Variants in SYT7 observed in about 807,000 individuals in gnomAD.
The protein encoded by SYT7 is synaptotagmin 7.
SYT7 carries 29 observed loss-of-function variants against 75.1 expected under a neutral mutation model. The ratio of observed to expected loss-of-function variants is 0.39; its 90% CI spans 0.29 to 0.53. SYT7 has a LOEUF of 0.53. SYT7 is among the 20% of genes least tolerant of loss of function. SYT7 has a pLI of 0.77. For synonymous variants in SYT7, 376 were observed against 401.7 expected, an observed-to-expected ratio of 0.94 and a Z score of 0.76; for missense variants, 693 against 953.2, an observed-to-expected ratio of 0.73 and a Z score of 3.59.
intron 1 of SYT7, 134 bp from the exon 2 acceptor site, chr11:61,556,341 TC>T: frequency 1.5e-6 from 1 of 664,392 alleles, no homozygotes; most frequent in Non-Finnish European, 2.6e-6. Context: ...CAGGTTCTAC[TC>T]CCAGTTCTGC....
intron 2 of SYT7, among the ~76,000 whole-genome samples, chr11:61,552,165 C>T (rs1458570141): frequency 2.2e-4 from 33 of 152,112 alleles, no homozygotes; most frequent in Admixed American, 2.2e-3. Context: ...ACCCCAGGTC[C>T]TCCAGCTAAA....
intron 7 of SYT7, 175 bp from the exon 8 acceptor site, chr11:61,533,299 CCCGG>C (rs1175476440): frequency 1.0e-6 from 1 of 985,324 alleles, no homozygotes; most frequent in Non-Finnish European, 1.2e-6. Context: ...GAGACCCATG[CCCGG>C]GGCCCATTCT....
At chr11:61,530,967 G>T in intron 8 of SYT7, 2 of 985,432 alleles carry the variant, frequency 2.0e-6, no homozygotes, top group Non-Finnish European at 2.4e-6. Context: ...CTATACCAGG[G>T]CAGGAGGTGC....
intron 2 of SYT7, among the ~76,000 whole-genome samples, chr11:61,552,476 ACACACACACATG>A (rs1329994693): frequency 1.3e-3 from 202 of 152,132 alleles, no homozygotes; most frequent in African/African-American, 4.7e-3. Context: ...ACACATGCAC[ACACACACACATG>A]CACACACACG....
chr11:61,585,225 T>TTGC (rs1392885297), upstream of SYT7, among the ~76,000 whole-genome samples: 1 of 152,240 alleles, frequency 6.6e-6, no homozygotes, highest in Non-Finnish European at 1.5e-5. Flanking sequence ...GTCTTCATTG[T>TTGC]TGCTGTCTCC....
Position 61,524,451 on chromosome 11 carries a change from A to G in SYT7, c.1553T>C (p.Ile518Thr), listed in dbSNP as rs2062448594. 4 of 1,613,678 alleles carry G rather than the reference A, an allele frequency of 2.5e-6. No homozygotes were observed. The highest frequency in any genetic ancestry group is 3.4e-6 in the Non-Finnish European group (4 of 1,179,776). ...DYDRFSRNDP[I>T]GEVSIPLNKV... Reference sequence around the variant, plus strand: ...GTTAAGGGGGATGGACACCTCCCCAATGGGGTCGTTGCGGCTGAAGCGGTC... The same window carrying G: ...GTTAAGGGGGATGGACACCTCCCCAGTGGGGTCGTTGCGGCTGAAGCGGTC... The change falls in exon 10 of 13, where the codon ATT becomes ACT. Residue 518 changes from isoleucine to threonine, a missense_variant. Coordinates refer to ENST00000539008, the MANE Select transcript of SYT7 (RefSeq NM_001365809.2). The surrounding 1 kb of genome is among the most constrained non-coding windows in gnomAD (Gnocchi z 4.1).
At position 61,580,714 on chromosome 11, in the gene SYT7, T is replaced by C; in HGVS notation, c.31+76A>G. ...GCGGACAACAGCCCCAGGCTGGGGC[T>C]CCGAGACGGCGTCCGGCGCTGCCGC... On this transcript the variant is annotated intron_variant, in intron 1 of 12. Coordinates refer to ENST00000539008, the MANE Select transcript of SYT7 (RefSeq NM_001365809.2). This position sits in a 1 kb window ranked among gnomAD's most constrained non-coding sequence, Gnocchi z 6.1. 9.7e-7 allele frequency: 1 copy of C among 1,030,560 alleles called. No homozygotes were observed. The highest frequency in any genetic ancestry group is 1.2e-6 in the Non-Finnish European group (1 of 811,064). 63.8% of individuals were successfully genotyped at this position (1,030,560 alleles called of 1,614,324 possible).
At chr11:61,533,169 T>C in intron 7 of SYT7, 45 bp from the exon 8 acceptor site, 1 of 1,516,196 alleles carries the variant, frequency 6.6e-7, no homozygotes, top group Non-Finnish European at 8.8e-7. Context: ...GGAAGTGAGC[T>C]GCGTTGGGCA....
In SYT7 at chr11:61,517,415, G is replaced by A. The variant is rs1288980133; in HGVS notation, c.*1212C>T. On this transcript the variant is annotated 3_prime_UTR_variant, in exon 13 of 13. Coordinates refer to ENST00000539008, the MANE Select transcript of SYT7 (RefSeq NM_001365809.2). Reference sequence around the variant, plus strand: ...GAAGGAGCTGCTCCCGGGGACCAGGGAGTGGGGAAGGGTGAGAAGACAGTC... The same window carrying A: ...GAAGGAGCTGCTCCCGGGGACCAGGAAGTGGGGAAGGGTGAGAAGACAGTC... 2 of 398,758 alleles carry A rather than the reference G, an allele frequency of 5.0e-6. No individual in the cohort carries two copies. The highest frequency in any genetic ancestry group is 4.1e-5 in the African/African-American group (2 of 48,630). 24.7% of individuals were successfully genotyped at this position (398,758 alleles called of 1,614,324 possible). A position where few individuals can be genotyped will look rare whatever the true frequency, so the allele number is the denominator to read the frequency against.
At chr11:61,529,619 C>T (rs575810570) in intron 8 of SYT7, among the ~76,000 whole-genome samples, 13 of 152,176 alleles carry the variant, frequency 8.5e-5, no homozygotes, top group African/African-American at 2.2e-4. Context: ...TGAAAAGCGT[C>T]GGAATCACCC....
At chr11:61,568,319 C>G (rs1468995414) in intron 1 of SYT7, among the ~76,000 whole-genome samples, 1 of 152,178 alleles carries the variant, frequency 6.6e-6, no homozygotes, top group East Asian at 1.9e-4. Context: ...AATAATACCA[C>G]GTGAAAAGCC....
intron 1 of SYT7, among the ~76,000 whole-genome samples, chr11:61,558,730 T>C (rs1307692584): frequency 6.6e-6 from 1 of 152,042 alleles, no homozygotes; most frequent in African/African-American, 2.4e-5. Context: ...AAGACCCAAG[T>C]GTGAGTACCA....
At chr11:61,549,388 G>A (rs963911720) in intron 3 of SYT7, among the ~76,000 whole-genome samples, 2 of 152,208 alleles carry the variant, frequency 1.3e-5, no homozygotes, top group African/African-American at 2.4e-5. Context: ...GAGACAGAGT[G>A]TGCAGTGTTC....
At chr11:61,556,028 T>G in intron 2 of SYT7, 76 bp downstream of exon 2, 4 of 1,276,394 alleles carry the variant, frequency 3.1e-6, no homozygotes, top group South Asian at 1.3e-5. Context: ...AAGCCTGTAA[T>G]TGTGTGTGTG....
At chr11:61,575,739 G>A (rs1043135571) in intron 1 of SYT7, among the ~76,000 whole-genome samples, 2 of 152,152 alleles carry the variant, frequency 1.3e-5, no homozygotes, top group Non-Finnish European at 2.9e-5. Context: ...AGCTCCCCAC[G>A]CACCTCAACG....
At chr11:61,568,629 T>TA (rs754087558) in intron 1 of SYT7, among the ~76,000 whole-genome samples, 9 of 152,180 alleles carry the variant, frequency 5.9e-5, no homozygotes, top group Non-Finnish European at 1.2e-4. Flanking sequence ...CATCTGCCCT[T>TA]ACTCTTGCCA....
chr11:61,563,190 ACTTG>A (rs2063685465), intron 1 of SYT7, among the ~76,000 whole-genome samples: 1 of 152,176 alleles, frequency 6.6e-6, no homozygotes, highest in African/African-American at 2.4e-5. Flanking sequence ...ATTTGCCATC[ACTTG>A]TCTACTCAGA....
At chr11:61,566,269 CCCCCT>C (rs1209424183) in intron 1 of SYT7, among the ~76,000 whole-genome samples, 1 of 152,154 alleles carries the variant, frequency 6.6e-6, no homozygotes, top group Non-Finnish European at 1.5e-5. Flanking sequence ...TGCTCAGTGA[CCCCCT>C]CACCTCACCT....
In SYT7 at chr11:61,553,816, G is replaced by C. The variant is rs2135329813; in HGVS notation, c.135+2288C>G. Among the ~76,000 whole-genome samples, 1 of 152,300 alleles carries C rather than the reference G, an allele frequency of 6.6e-6. No individual in the cohort carries two copies. On this transcript the variant is annotated intron_variant, in intron 2 of 12. Transcript: ENST00000539008. The surrounding 1 kb of genome is among the most constrained non-coding windows in gnomAD (Gnocchi z 5.2). ...TTTGGAAATGGGATCTGGGCTGTCA[G>C]GGTATCACGTCACTGCTGCTGAGGG...
Sources: allele counts gnomAD v4.1 joint callset (sites outside exome capture counted in the v4.1 genomes callset), GRCh38; gene constraint gnomAD v4.1.1; non-coding constraint Gnocchi (gnomAD v3.1); transcripts MANE v1.5; gene names NCBI Gene and HGNC (gene_info 2026-07-23, HGNC 2026-07-21).